The following LYPLAL1 variants were observed in gnomAD, a reference collection of about 807,000 sequenced individuals.
The protein encoded by LYPLAL1 is lysophospholipase-like protein 1.
A neutral mutation model predicts 19.7 loss-of-function variants in LYPLAL1; 23 were observed. The observed-to-expected ratio is 1.17, with a 90% CI of 0.84 to 1.65. LYPLAL1 has a LOEUF of 1.65. Among genes scored for constraint, LYPLAL1 ranks in the 40% most tolerant of loss-of-function variants. The pLI is 0.00. For missense variants in LYPLAL1, 355 were observed against 279.4 expected (o/e 1.27, Z -1.93); for synonymous variants, 119 against 96.3 (o/e 1.24, Z -1.38).
the LYPLAL1 span, among the ~76,000 whole-genome samples, chr1:219,238,177 G>A: frequency 5.9e-5 from 8 of 135,582 alleles, no homozygotes; most frequent in Non-Finnish European, 9.2e-5. Flanking sequence ...AGGCTGGATC[G>A]CCCCGGCTGG....
chr1:219,339,720 T>C, the LYPLAL1 span, among the ~76,000 whole-genome samples: 3 of 152,174 alleles, frequency 2.0e-5, no homozygotes, highest in African/African-American at 4.8e-5. Context: ...GGGCAATGAA[T>C]AGTCTTACAA....
At chr1:219,364,783 G>T in the LYPLAL1 span, among the ~76,000 whole-genome samples, 1 of 152,068 alleles carries the variant, frequency 6.6e-6, no homozygotes, top group African/African-American at 2.4e-5. Context: ...ATAAAATATA[G>T]TGAGTCTTTA....
At chr1:219,401,596 G>T in the LYPLAL1 span, among the ~76,000 whole-genome samples, 2 of 151,778 alleles carry the variant, frequency 1.3e-5, no homozygotes, top group Non-Finnish European at 2.9e-5. Context: ...TTACAATGAA[G>T]TACTTTATAT....
At chr1:219,177,103 G>T (rs1655880960) in intron 1 of LYPLAL1, among the ~76,000 whole-genome samples, 1 of 152,206 alleles carries the variant, frequency 6.6e-6, no homozygotes, top group Non-Finnish European at 1.5e-5. Flanking sequence ...GACAGAAGAT[G>T]AAACTTCACA....
chr1:219,261,793 T>G, the LYPLAL1 span, among the ~76,000 whole-genome samples: 1 of 152,322 alleles, frequency 6.6e-6, no homozygotes. Flanking sequence ...TCACTTCATC[T>G]TGGCCTTATG....
At chr1:219,219,308 G>A in the LYPLAL1 span, among the ~76,000 whole-genome samples, 1 of 152,170 alleles carries the variant, frequency 6.6e-6, no homozygotes, top group Non-Finnish European at 1.5e-5. Flanking sequence ...ACCAAGGTAA[G>A]CCTCATTTTG....
At position 219,173,904 on chromosome 1, in the gene LYPLAL1, C is replaced by G. The variant is rs1259903213; in HGVS notation, c.14C>G (p.Ser5Trp). 1.9e-6 allele frequency: 3 copies of G among 1,613,164 alleles called. No homozygotes were observed. Among genetic ancestry groups the G allele is most frequent in the African/African-American group, 1.3e-5 (1 of 75,052 alleles). MAAA[S>W]GSVLQRCIVS... ...GTGGCATCAGCGATGGCGGCTGCGT[C>G]GGGGTCGGTTCTGCAGCGCTGTATC... is the stretch of plus-strand genomic sequence containing the variant. Residue 5 changes from serine to tryptophan, a missense_variant, in exon 1 of 5, where the codon TCG (serine) becomes TGG (tryptophan). Transcript: ENST00000366928.
the LYPLAL1 span, among the ~76,000 whole-genome samples, chr1:219,273,620 A>G: frequency 6.6e-6 from 1 of 152,122 alleles, no homozygotes; most frequent in Non-Finnish European, 1.5e-5. Context: ...TGGGCTCATG[A>G]TATGCTGCTG....
the LYPLAL1 span, among the ~76,000 whole-genome samples, chr1:219,424,444 G>T: frequency 6.6e-6 from 1 of 152,234 alleles, no homozygotes; most frequent in Non-Finnish European, 1.5e-5. Context: ...CATTAGCTAT[G>T]TAGCTGCCAG....
chr1:219,419,491 C>T, the LYPLAL1 span, among the ~76,000 whole-genome samples: 1 of 148,670 alleles, frequency 6.7e-6, no homozygotes, highest in East Asian at 2.0e-4. Context: ...TTGTGCTCTT[C>T]AGAGATCAGA....
At chr1:219,249,651 A>G in the LYPLAL1 span, among the ~76,000 whole-genome samples, 2 of 152,086 alleles carry the variant, frequency 1.3e-5, no homozygotes, top group African/African-American at 4.8e-5. Context: ...CATGCAAATC[A>G]TACAAAAGTG....
At chr1:219,179,762 A>T (rs1656119562) in intron 2 of LYPLAL1, among the ~76,000 whole-genome samples, 1 of 152,232 alleles carries the variant, frequency 6.6e-6, no homozygotes, top group South Asian at 2.1e-4. Flanking sequence ...TATTTAGGTT[A>T]TATAACCTGT....
chr1:219,372,583 T>C, the LYPLAL1 span, among the ~76,000 whole-genome samples: 1 of 152,166 alleles, frequency 6.6e-6, no homozygotes, highest in Non-Finnish European at 1.5e-5. Flanking sequence ...AAATGTCTTT[T>C]GGTGGTGCCT....
chr1:219,323,551 C>T, the LYPLAL1 span, among the ~76,000 whole-genome samples: 9 of 152,136 alleles, frequency 5.9e-5, no homozygotes, highest in Non-Finnish European at 1.2e-4. Context: ...TTCCTGCCCA[C>T]GTCTGTTGTG....
the LYPLAL1 span, among the ~76,000 whole-genome samples, chr1:219,379,677 A>G: frequency 3.2e-4 from 49 of 152,300 alleles, no homozygotes; most frequent in South Asian, 9.3e-3. Flanking sequence ...AAAAAATAAT[A>G]ATATTAATAA....
chr1:219,341,847 G>A, the LYPLAL1 span, among the ~76,000 whole-genome samples: 2 of 152,150 alleles, frequency 1.3e-5, no homozygotes, highest in East Asian at 1.9e-4. Flanking sequence ...TAAATAAAAA[G>A]TTGATTGAAA....
chr1:219,342,300 G>C, the LYPLAL1 span, among the ~76,000 whole-genome samples: 1 of 152,110 alleles, frequency 6.6e-6, no homozygotes, highest in Non-Finnish European at 1.5e-5. Context: ...TTAGGAGGGA[G>C]ATAGAGATAG....
chr1:219,402,853 A>G, the LYPLAL1 span, among the ~76,000 whole-genome samples: 1 of 152,122 alleles, frequency 6.6e-6, no homozygotes, highest in African/African-American at 2.4e-5. Context: ...ACCTAAGAAA[A>G]GGGTTATTAT....
the LYPLAL1 span, among the ~76,000 whole-genome samples, chr1:219,253,143 C>T: frequency 2.0e-5 from 3 of 151,796 alleles, no homozygotes; most frequent in Admixed American, 2.0e-4. Flanking sequence ...TTCCCTTTGT[C>T]ATTTCTAATT....
Sources: allele counts gnomAD v4.1 joint callset (sites outside exome capture counted in the v4.1 genomes callset), GRCh38; gene constraint gnomAD v4.1.1; transcripts MANE v1.5; gene names NCBI Gene and HGNC (gene_info 2026-07-23, HGNC 2026-07-21).